The following ERICH6B variants were observed in gnomAD, a reference collection of about 807,000 sequenced individuals.
ERICH6B encodes glutamate rich 6B.
In ERICH6B, 69 loss-of-function variants were observed where a neutral mutation model predicts 80.0. That is an observed-to-expected ratio of 0.86 (90% CI 0.71 to 1.05). The LOEUF is 1.05. Ranked by LOEUF, ERICH6B falls within the 50% of genes least tolerant of loss-of-function variation. ERICH6B has a pLI of 0.00. For synonymous variants in ERICH6B, 283 were observed against 291.9 expected (o/e 0.97, Z 0.31); for missense variants, 754 against 796.1 (o/e 0.95, Z 0.64).
chr13:45,541,517 A>G lies in ERICH6B; in HGVS notation c.2036T>C (p.Ile679Thr). ...CAGGTACTTGTTGTCCATCAGTGATATACTGACGGCCTCTATGAAGTTTTC... is the reference window on the plus strand; with the variant it reads ...CAGGTACTTGTTGTCCATCAGTGATGTACTGACGGCCTCTATGAAGTTTTC... ...DLENFIEAVSISLMDNKYLKK... is the reference protein window; with the variant it reads ...DLENFIEAVSTSLMDNKYLKK... Residue 679 changes from isoleucine (I) to threonine (T), a missense_variant, in exon 15 of 15, where the codon ATA becomes ACA. By Grantham distance (89) the Ile-to-Thr change is moderately conservative. Transcript: ENST00000298738. The G allele has an allele frequency of 6.4e-7, 1 of 1,552,160 alleles. No homozygotes were observed.
rs758563788 is a variant in ERICH6B, at chr13:45,544,938, C to T, written c.1694G>A (p.Arg565His). Reference protein sequence around the residue: ...NLGYYFPKDKRQKAWNWWNLN... With the variant: ...NLGYYFPKDKHQKAWNWWNLN... ...ATTCCACCAGTTCCAGGCCTTCTGG[C>T]GTTTGTCTTTGGGGAAGTAGTAGCC... is the stretch of plus-strand genomic sequence containing the variant. Residue 565 changes from arginine to histidine, a missense_variant, in exon 14 of 15, where the codon CGC (arginine) becomes CAC (histidine). By Grantham distance (29) the Arg-to-His change is conservative. Transcript: ENST00000298738. 15 of 1,551,422 alleles carry T rather than the reference C, an allele frequency of 9.7e-6. No homozygotes were observed. The highest frequency in any genetic ancestry group is 2.4e-5 in the South Asian group (2 of 84,056).
chr13:45,569,938 G>A (rs1875081741), intron 8 of ERICH6B, among the ~76,000 whole-genome samples: 1 of 152,182 alleles, frequency 6.6e-6, no homozygotes, highest in African/African-American at 2.4e-5. Context: ...GGGATGAAGT[G>A]ACTTTCTGTT....
rs1217973225 is a variant in ERICH6B, at chr13:45,580,591, C to A, written c.919+12G>T. 1 of 1,551,482 alleles carries A rather than the reference C, an allele frequency of 6.4e-7. No individual in the cohort carries two copies. The highest frequency in any genetic ancestry group is 8.7e-7 in the Non-Finnish European group (1 of 1,146,812). On this transcript the variant is annotated intron_variant, in intron 6 of 14. Coordinates refer to ENST00000298738, the MANE Select transcript of ERICH6B (RefSeq NM_182542.3). ...ACTTCTACAGATCATTTAAAATCAT[C>A]ATAAACTTTACCTTCCGGAGCCAGC...
chr13:45,599,833 A>G (rs1306268484), intron 2 of ERICH6B, among the ~76,000 whole-genome samples: 1 of 152,218 alleles, frequency 6.6e-6, no homozygotes, highest in East Asian at 1.9e-4. Flanking sequence ...AAGTGTTAGG[A>G]TTAAAGCAAC....
chr13:45,580,594 A>G lies in ERICH6B; in HGVS notation c.919+9T>C. Reference sequence around the variant, plus strand: ...TCTACAGATCATTTAAAATCATCATAAACTTTACCTTCCGGAGCCAGCTTC... The same window carrying G: ...TCTACAGATCATTTAAAATCATCATGAACTTTACCTTCCGGAGCCAGCTTC... On this transcript the variant is annotated intron_variant, in intron 6 of 14. Coordinates refer to ENST00000298738, the MANE Select transcript of ERICH6B (RefSeq NM_182542.3). The G allele has an allele frequency of 6.4e-7, 1 of 1,551,436 alleles. No individual in the cohort carries two copies. The highest frequency in any genetic ancestry group is 8.7e-7 in the Non-Finnish European group (1 of 1,146,794).
At position 45,550,169 on chromosome 13, in the gene ERICH6B, A is replaced by G. The variant is rs190539124; in HGVS notation, c.1493+62T>C. 264 of 1,536,992 alleles carry G rather than the reference A, an allele frequency of 1.7e-4. 1 individual carries two copies. In the African/African-American group the frequency reaches 3.1e-3, roughly 18 times the overall value. The stretch of plus-strand genomic sequence containing the variant: ...AGTCAAACCCCTTACCCCATAAAAA[A>G]TCGTAGACATTTTAGGTGCCAATAT... On this transcript the variant is annotated intron_variant, in intron 12 of 14. Transcript: ENST00000298738.
At chr13:45,590,512 C>T (rs2138014530) in intron 4 of ERICH6B, 137 bp downstream of exon 4, 1 of 768,424 alleles carries the variant, frequency 1.3e-6, no homozygotes, top group East Asian at 2.9e-5. Flanking sequence ...AGGGTTGTAA[C>T]TTCCAGGAAC....
chr13:45,559,242 T>C (rs1874566358), intron 11 of ERICH6B, among the ~76,000 whole-genome samples: 1 of 152,168 alleles, frequency 6.6e-6, no homozygotes, highest in South Asian at 2.1e-4. Flanking sequence ...GTGGTGTCAG[T>C]TGTAATATCT....
intron 2 of ERICH6B, among the ~76,000 whole-genome samples, chr13:45,606,533 ATATATATATATATATTT>A (rs1380857301): frequency 4.0e-4 from 12 of 30,242 alleles, no homozygotes; most frequent in African/African-American, 1.7e-3. Context: ...ATATATATAT[ATATATATATATATATTT>A]TTTTTTTTTT....
At chr13:45,552,186 T>C (rs770671827) in intron 11 of ERICH6B, among the ~76,000 whole-genome samples, 11 of 152,238 alleles carry the variant, frequency 7.2e-5, no homozygotes, top group Non-Finnish European at 1.3e-4. Context: ...CAAGAGAACA[T>C]AGCCTATATA....
chr13:45,573,165 A>T (rs996062347), intron 8 of ERICH6B, among the ~76,000 whole-genome samples: 1 of 152,194 alleles, frequency 6.6e-6, no homozygotes, highest in African/African-American at 2.4e-5. Flanking sequence ...ATACATATAT[A>T]TTTATATGTA....
intron 1 of ERICH6B, 31 bp downstream of exon 1, chr13:45,615,654 G>T: frequency 6.6e-6 from 1 of 152,612 alleles, no homozygotes. Flanking sequence ...AAGAGGAGGA[G>T]GAGCGCATTG....
Position 45,541,372 on chromosome 13 carries a change from A to G in ERICH6B, c.*90T>C, listed in dbSNP as rs1256754006. On this transcript the variant is annotated 3_prime_UTR_variant, in exon 15 of 15. Coordinates refer to ENST00000298738, the MANE Select transcript of ERICH6B (RefSeq NM_182542.3). ...CAAATTACAAACCAACTCTCATAAA[A>G]GGTCAACAGGTCTTTGGGTTTTTTT... 6 of 1,126,226 alleles carry G rather than the reference A, an allele frequency of 5.3e-6. No individual in the cohort carries two copies. Among genetic ancestry groups the G allele is most frequent in the Middle Eastern group, 2.2e-4 (1 of 4,544 alleles). The allele number at this position is 1,126,226 out of a possible 1,614,324, so 69.8% of individuals were successfully genotyped here. A position where few individuals can be genotyped will look rare whatever the true frequency, so the allele number is the denominator to read the frequency against.
chr13:45,581,470 A>G (rs1283289460), intron 5 of ERICH6B, among the ~76,000 whole-genome samples: 1 of 152,162 alleles, frequency 6.6e-6, no homozygotes, highest in East Asian at 1.9e-4. Flanking sequence ...TCCGCCTCCC[A>G]GGTTCAAGTC....
chr13:45,567,989 C>T (rs1874989582), intron 9 of ERICH6B, among the ~76,000 whole-genome samples: 2 of 152,228 alleles, frequency 1.3e-5, no homozygotes, highest in Non-Finnish European at 2.9e-5. Context: ...GACTTTTGTA[C>T]AAGTTCATGG....
At position 45,596,797 on chromosome 13, in the gene ERICH6B, T is replaced by A. The variant is rs2138022889; in HGVS notation, c.209A>T (p.Glu70Val). 4 of 1,551,748 alleles carry A rather than the reference T, an allele frequency of 2.6e-6. No individual in the cohort carries two copies. The East Asian group carries it at 9.8e-5, about 38-fold the overall frequency. Residue 70 changes from glutamate (E) to valine (V), a missense_variant, in exon 3 of 15, where the codon GAG (glutamate) becomes GTG (valine). Glu to Val is a moderately radical substitution (Grantham distance 121). Coordinates refer to ENST00000298738, the MANE Select transcript of ERICH6B (RefSeq NM_182542.3). The stretch of plus-strand genomic sequence containing the variant: ...TTCTTCTTTCCCCAGATACTCTTCC[T>A]CTTCCAGATCCTCTTCCTCCTCCAG... ...EYLEEEEDLE[E>V]EEYLGKEEYL...
chr13:45,565,353 AC>A (rs1410094579), intron 9 of ERICH6B, among the ~76,000 whole-genome samples: 2 of 152,150 alleles, frequency 1.3e-5, no homozygotes, highest in African/African-American at 4.8e-5. Flanking sequence ...AGAGTCTGCA[AC>A]AGACCCATGG....
At chr13:45,549,081 C>T (rs926831916) in intron 13 of ERICH6B, among the ~76,000 whole-genome samples, 4 of 152,020 alleles carry the variant, frequency 2.6e-5, no homozygotes, top group African/African-American at 7.2e-5. Flanking sequence ...GTCAGGAGTT[C>T]GAGATCAACC....
chr13:45,575,062 A>G, intron 7 of ERICH6B, 132 bp from the exon 8 acceptor site: 1 of 623,254 alleles, frequency 1.6e-6, no homozygotes, highest in East Asian at 2.8e-5. Flanking sequence ...ATACATCATC[A>G]ATGAGATGTT....
Sources: allele counts gnomAD v4.1 joint callset (sites outside exome capture counted in the v4.1 genomes callset), GRCh38; gene constraint gnomAD v4.1.1; transcripts MANE v1.5; gene names NCBI Gene and HGNC (gene_info 2026-07-23, HGNC 2026-07-21).